KLHL8: variants seen among roughly 807,000 people sequenced by gnomAD.
The protein encoded by KLHL8 is kelch-like protein 8.
KLHL8 carries 38 observed loss-of-function variants against 63.5 expected under a neutral mutation model. The observed-to-expected ratio is 0.60, with a 90% confidence interval of 0.46 to 0.78. The LOEUF (loss-of-function observed/expected upper bound fraction) is 0.78. Among genes scored for constraint, KLHL8 ranks in the 30% least tolerant of loss-of-function variants. The probability of loss-of-function intolerance (pLI) is 0.00; values close to 1 mark genes in which losing one functional copy is unlikely to be tolerated. For missense variants in KLHL8, 566 were observed against 752.4 expected, an observed-to-expected ratio of 0.75 and a Z score of 2.90; for synonymous variants, 224 against 254.3, an observed-to-expected ratio of 0.88 and a Z score of 1.13.
intron 8 of KLHL8, among the ~76,000 whole-genome samples, chr4:87,164,445 C>T (rs1333609155): frequency 6.6e-6 from 1 of 151,816 alleles, no homozygotes; most frequent in Non-Finnish European, 1.5e-5. Context: ...ACTGAGATTC[C>T]TTCTCTGTGT....
chr4:87,168,962 T>TAA (rs35255534), intron 8 of KLHL8, among the ~76,000 whole-genome samples: 68 of 122,958 alleles, frequency 5.5e-4, no homozygotes, highest in East Asian at 1.2e-3. Context: ...ATTGTTAAAG[T>TAA]AAAAAAAAAA....
At chr4:87,223,931 A>G (rs1732927646), upstream of KLHL8, among the ~76,000 whole-genome samples, 1 of 152,222 alleles carries the variant, frequency 6.6e-6, no homozygotes, top group Non-Finnish European at 1.5e-5. Flanking sequence ...TAAGGATCTA[A>G]GAAATTCCTT....
Position 87,192,903 on chromosome 4 carries a change from G to T in KLHL8, c.216+2421C>A, listed in dbSNP as rs575797159. Among the ~76,000 whole-genome samples, 4 of 152,116 alleles carry T rather than the reference G, an allele frequency of 2.6e-5. No individual in the cohort carries two copies. The East Asian group carries it at 5.8e-4, about 22-fold the overall frequency. ...AGGTACAGTAAAAATACAGTATAAG[G>T]TATTTTTTTTAAAGTACACCCGTAT... On this transcript the variant is annotated intron_variant, in intron 2 of 9. Coordinates refer to ENST00000273963, the MANE Select transcript of KLHL8 (RefSeq NM_020803.5).
intron 6 of KLHL8, among the ~76,000 whole-genome samples, chr4:87,171,658 T>G (rs1468780446): frequency 6.6e-6 from 1 of 152,176 alleles, no homozygotes; most frequent in Non-Finnish European, 1.5e-5. Flanking sequence ...TCCCTCCCCT[T>G]AAAGGACAAA....
intron 1 of KLHL8, among the ~76,000 whole-genome samples, chr4:87,226,270 G>C (rs1313028131): frequency 6.6e-6 from 1 of 151,956 alleles, no homozygotes; most frequent in South Asian, 2.1e-4. Flanking sequence ...TTAAGATATA[G>C]CTCTATATTA....
chr4:87,187,134 A>T (rs1731292355), intron 2 of KLHL8, among the ~76,000 whole-genome samples: 1 of 152,220 alleles, frequency 6.6e-6, no homozygotes, highest in African/African-American at 2.4e-5. Context: ...GTAAGTAGAG[A>T]TGCTGCTTCA....
At position 87,181,753 on chromosome 4, in the gene KLHL8, A is replaced by T. The variant is rs147762654; in HGVS notation, c.952+1450T>A. On this transcript the variant is annotated intron_variant, in intron 4 of 9. Coordinates refer to ENST00000273963, the MANE Select transcript of KLHL8 (RefSeq NM_020803.5). ...ATTTCAAAATGAGGATCAAATCCTTATCTAAAACCTACTACATAAAGTTCC... is the reference window on the plus strand; with the variant it reads ...ATTTCAAAATGAGGATCAAATCCTTTTCTAAAACCTACTACATAAAGTTCC... 2.2e-4 allele frequency among the ~76,000 whole-genome samples: 34 copies of T among 152,294 alleles called. 1 individual carries two copies. The East Asian group carries it at 6.6e-3, about 29-fold the overall frequency.
chr4:87,196,380 C>G (rs184430088), intron 1 of KLHL8, among the ~76,000 whole-genome samples: 1 of 152,066 alleles, frequency 6.6e-6, no homozygotes, highest in African/African-American at 2.4e-5. Context: ...TAATGCAATG[C>G]CAAAACAGAA....
At chr4:87,228,622 T>G (rs990437134) in intron 1 of KLHL8, among the ~76,000 whole-genome samples, 3 of 152,234 alleles carry the variant, frequency 2.0e-5, no homozygotes, top group African/African-American at 7.2e-5. Context: ...CTTTACTTTT[T>G]TATCAGCAAT....
intron 8 of KLHL8, chr4:87,167,477 G>C: frequency 3.9e-6 from 2 of 517,610 alleles, no homozygotes; most frequent in Non-Finnish European, 7.8e-6. Flanking sequence ...ATTTTCATAA[G>C]GAAAGAGGAG....
chr4:87,183,822 G>T (rs1404158536), intron 3 of KLHL8, among the ~76,000 whole-genome samples: 1 of 152,146 alleles, frequency 6.6e-6, no homozygotes. Flanking sequence ...TAAACATAGG[G>T]AAATGTGATT....
chr4:87,234,952 C>A (rs2110072741), intron 1 of KLHL8, among the ~76,000 whole-genome samples: 1 of 152,190 alleles, frequency 6.6e-6, no homozygotes, highest in South Asian at 2.1e-4. Context: ...AATAAAAAAG[C>A]TTAAAGAATA....
chr4:87,186,480 G>A (rs1210842043), intron 2 of KLHL8, among the ~76,000 whole-genome samples: 1 of 145,424 alleles, frequency 6.9e-6, no homozygotes, highest in Non-Finnish European at 1.5e-5. Flanking sequence ...TATTGTAAGT[G>A]CTTTTTTTTT....
chr4:87,233,248 G>T (rs1223704590), intron 1 of KLHL8, among the ~76,000 whole-genome samples: 1 of 151,858 alleles, frequency 6.6e-6, no homozygotes, highest in Non-Finnish European at 1.5e-5. Flanking sequence ...TTACCATGTT[G>T]CCCAGGCTGA....
intron 1 of KLHL8, among the ~76,000 whole-genome samples, chr4:87,202,302 T>C (rs533442988): frequency 2.6e-5 from 4 of 152,134 alleles, no homozygotes; most frequent in African/African-American, 9.7e-5. Context: ...ATATTTTTAG[T>C]AGAGACGGGG....
At chr4:87,174,683 C>G (rs150311743) in intron 6 of KLHL8, among the ~76,000 whole-genome samples, 2 of 152,118 alleles carry the variant, frequency 1.3e-5, no homozygotes, top group Non-Finnish European at 2.9e-5. Flanking sequence ...GACACAGAGA[C>G]AGAATTATTC....
chr4:87,165,149 CAAAAAAAA>C (rs71660120), intron 8 of KLHL8, among the ~76,000 whole-genome samples: 1 of 34,144 alleles, frequency 2.9e-5, no homozygotes, highest in East Asian at 1.1e-3. Flanking sequence ...GACTCTGTCT[CAAAAAAAA>C]AAAAAAAAAA....
chr4:87,232,095 G>T (rs1733146642), intron 1 of KLHL8, among the ~76,000 whole-genome samples: 1 of 152,126 alleles, frequency 6.6e-6, no homozygotes, highest in South Asian at 2.1e-4. Context: ...CTTTATGAGT[G>T]TATAAAAAGG....
At chr4:87,195,831 A>G (rs1002850226) in intron 1 of KLHL8, 141 bp from the exon 2 acceptor site, 3 of 258,882 alleles carry the variant, frequency 1.2e-5, no homozygotes, top group Non-Finnish European at 2.2e-5. Flanking sequence ...TTTATGCTAA[A>G]TAACACATAA....
Sources: allele counts gnomAD v4.1 joint callset (sites outside exome capture counted in the v4.1 genomes callset), GRCh38; gene constraint gnomAD v4.1.1; transcripts MANE v1.5; gene names NCBI Gene and HGNC (gene_info 2026-07-23, HGNC 2026-07-21).